Variants in MYO7B observed in about 807,000 individuals in gnomAD.
The protein encoded by MYO7B is myosin VIIB, also known as unconventional myosin-VIIb.
Under a neutral mutation model 259.7 loss-of-function variants are expected in MYO7B, and 212 were observed. That is an observed-to-expected ratio of 0.82 (90% confidence interval 0.73 to 0.91). The LOEUF is 0.91. MYO7B is among the 40% of genes least tolerant of loss of function. The pLI is 0.00. For synonymous variants in MYO7B, 1,197 were observed against 1,166.4 expected (o/e 1.03, Z -0.54); for missense variants, 2,732 against 2,813.5 (o/e 0.97, Z 0.66).
In MYO7B at chr2:127,584,092, C is replaced by T; in HGVS notation, c.1344-30C>T. On this transcript the variant is annotated intron_variant, in intron 12 of 47. Transcript: ENST00000409816. This position sits in a 1 kb window ranked among gnomAD's most constrained non-coding sequence, Gnocchi z 5.8. ...AGCGGGGACTCAGCTGGCCCCACTCCACCCCTGGGCAGTGACCTTGCCTCC... is the reference window on the plus strand; with the variant it reads ...AGCGGGGACTCAGCTGGCCCCACTCTACCCCTGGGCAGTGACCTTGCCTCC... 1 of 1,595,198 alleles carries T rather than the reference C, an allele frequency of 6.3e-7. No homozygotes were observed. The highest frequency in any genetic ancestry group is 8.5e-7 in the Non-Finnish European group (1 of 1,170,052).
At chr2:127,635,383 C>T in intron 43 of MYO7B, 157 bp downstream of exon 43, 2 of 702,906 alleles carry the variant, frequency 2.8e-6, no homozygotes, top group African/African-American at 1.8e-5. Flanking sequence ...GCTCTGGAAC[C>T]AGGAGCAGAG....
chr2:127,631,499 C>T, intron 37 of MYO7B, 101 bp from the exon 38 acceptor site: 2 of 1,524,506 alleles, frequency 1.3e-6, no homozygotes, highest in Non-Finnish European at 1.8e-6. Context: ...GGGACAGAGC[C>T]CACACATGGC....
At chr2:127,553,913 T>C (rs185176359) in intron 1 of MYO7B, among the ~76,000 whole-genome samples, 9 of 152,316 alleles carry the variant, frequency 5.9e-5, no homozygotes, top group Non-Finnish European at 8.8e-5. Context: ...ATGGCTTTTA[T>C]TGCACTGAGG....
Position 127,590,501 on chromosome 2 carries a change from C to T in MYO7B, c.1992+272C>T, listed in dbSNP as rs545189097. On this transcript the variant is annotated intron_variant, in intron 16 of 47. Coordinates refer to ENST00000409816, the MANE Select transcript of MYO7B (RefSeq NM_001393586.1). This position sits in a 1 kb window ranked among gnomAD's most constrained non-coding sequence, Gnocchi z 4.6. Reference sequence around the variant, plus strand: ...GGCCTGGCTCTTTGCTGCTGTGAGCCTCAGTTTTCCCTTCTGTTAAGTCAG... The same window carrying T: ...GGCCTGGCTCTTTGCTGCTGTGAGCTTCAGTTTTCCCTTCTGTTAAGTCAG... 6.6e-6 allele frequency among the ~76,000 whole-genome samples: 1 copy of T among 152,366 alleles called. No homozygotes were observed. Among genetic ancestry groups the T allele is most frequent in the South Asian group, 2.1e-4 (1 of 4,830 alleles).
At chr2:127,560,134 T>A (rs1474731478) in intron 2 of MYO7B, among the ~76,000 whole-genome samples, 1 of 151,878 alleles carries the variant, frequency 6.6e-6, no homozygotes, top group Non-Finnish European at 1.5e-5. Context: ...TCAAGCGATC[T>A]TCCAGCCTCA....
Position 127,627,195 on chromosome 2 carries a change from C to T in MYO7B, c.4345C>T (p.Pro1449Ser). Reference protein sequence around the residue: ...EVITLSGPRLPKTQLILAVNW... With the variant: ...EVITLSGPRLSKTQLILAVNW... ...TCTCTCCTGGCCAGGCCCCCGCCTG[C>T]CCAAGACGCAGCTGATCTTGGCTGT... The change falls in exon 33 of 48, where the codon CCC becomes TCC. Residue 1449 changes from proline (P) to serine (S), a missense_variant. Pro to Ser is a moderately conservative substitution (Grantham distance 74, BLOSUM62 -1). Coordinates refer to ENST00000409816, the MANE Select transcript of MYO7B (RefSeq NM_001393586.1). The surrounding 1 kb of genome is among the most constrained non-coding windows in gnomAD (Gnocchi z 5.6). The T allele has an allele frequency of 6.2e-7, 1 of 1,609,490 alleles. No individual in the cohort carries two copies. Among genetic ancestry groups the T allele is most frequent in the South Asian group, 1.1e-5 (1 of 90,330 alleles).
chr2:127,564,216 A>G lies in MYO7B; in HGVS notation c.82A>G (p.Ile28Val). 6.3e-7 allele frequency: 1 copy of G among 1,581,726 alleles called. No homozygotes were observed. Among genetic ancestry groups the G allele is most frequent in the South Asian group, 1.2e-5 (1 of 86,198 alleles). ...HKTGVAIGGI[I>V]KEAKPGKVLV... Reference sequence around the variant, plus strand: ...GACCGGCGTGGCCATCGGGGGCATCATCAAAGAGGCAAAGCCAGGCAAAGT... The same window carrying G: ...GACCGGCGTGGCCATCGGGGGCATCGTCAAAGAGGCAAAGCCAGGCAAAGT... The change falls in exon 3 of 48, where the codon ATC becomes GTC. Residue 28 changes from isoleucine to valine, a missense_variant. By Grantham distance (29) the Ile-to-Val change is conservative. This residue lies in a region of MYO7B where 1,906 missense variants were observed against 2,026.4 expected (regional missense o/e 0.94). Coordinates refer to ENST00000409816, the MANE Select transcript of MYO7B (RefSeq NM_001393586.1).
intron 1 of MYO7B, among the ~76,000 whole-genome samples, chr2:127,553,892 A>C (rs1022258954): frequency 6.6e-6 from 1 of 151,950 alleles, no homozygotes; most frequent in Admixed American, 6.6e-5. Context: ...TTGGCTGTGG[A>C]TTTGTCATAG....
At chr2:127,624,061 C>T (rs1558844151) in intron 29 of MYO7B, 32 bp from the exon 30 acceptor site, 5 of 1,528,846 alleles carry the variant, frequency 3.3e-6, no homozygotes, top group Non-Finnish European at 4.4e-6. Context: ...ATGCAACAGC[C>T]GCTAACCCCT....
Position 127,592,960 on chromosome 2 carries a change from G to A in MYO7B, c.2145+14G>A, listed in dbSNP as rs1179169731. 7.6e-6 allele frequency: 12 copies of A among 1,574,100 alleles called. No individual in the cohort carries two copies. The highest frequency in any genetic ancestry group is 1.0e-5 in the Non-Finnish European group (12 of 1,160,928). On this transcript the variant is annotated intron_variant, in intron 17 of 47. Transcript: ENST00000409816. ...ATGCGGATGCAGGTCAGCGCCCCTC[G>A]GGGACGGTCACCTCTGGCCATCCGC...
At chr2:127,623,982 G>T (rs1489719260) in intron 29 of MYO7B, 111 bp from the exon 30 acceptor site, 13 of 1,020,126 alleles carry the variant, frequency 1.3e-5, no homozygotes, top group Middle Eastern at 6.3e-4. Flanking sequence ...CCCACGCTGG[G>T]CTCCAAGGGC....
rs1275474186 is a variant in MYO7B at position 127,631,261 on chromosome 2, G to A, written c.4993G>A (p.Gly1665Ser). 3 of 1,611,296 alleles carry A rather than the reference G, an allele frequency of 1.9e-6. No individual in the cohort carries two copies. The East Asian group carries it at 6.7e-5, about 36-fold the overall frequency. Reference sequence around the variant, plus strand: ...CGTGCTGCCCCTGGCCCGTGCCCGTGGCCACCTGTGGGCCTATTCCTGCGA... The same window carrying A: ...CGTGCTGCCCCTGGCCCGTGCCCGTAGCCACCTGTGGGCCTATTCCTGCGA... Reference protein sequence around the residue: ...MAVLPLARARGHLWAYSCEPL... With the variant: ...MAVLPLARARSHLWAYSCEPL... Residue 1665 changes from glycine to serine, a missense_variant, in exon 37 of 48, where the codon GGC (glycine) becomes AGC (serine). By Grantham distance (56) the Gly-to-Ser change is moderately conservative. This residue lies in a region of MYO7B where 821 missense variants were observed against 769.3 expected (regional missense o/e 1.07). Transcript: ENST00000409816.
At chr2:127,589,415 G>A (rs570026350) in intron 15 of MYO7B, among the ~76,000 whole-genome samples, 2 of 150,994 alleles carry the variant, frequency 1.3e-5, no homozygotes, top group African/African-American at 4.9e-5. Context: ...TTATATAAGG[G>A]GGTTTGGAGT....
At chr2:127,589,040 T>G (rs1573659953) in intron 15 of MYO7B, among the ~76,000 whole-genome samples, 10 of 101,510 alleles carry the variant, frequency 9.9e-5, no homozygotes, top group South Asian at 3.6e-4. Flanking sequence ...GATGGATGGG[T>G]GGGTGAGTGG....
chr2:127,578,801 A>G (rs1558812314), intron 9 of MYO7B, among the ~76,000 whole-genome samples: 1 of 152,220 alleles, frequency 6.6e-6, no homozygotes, highest in Non-Finnish European at 1.5e-5. Context: ...GATACCATGA[A>G]CAAGAACCGG....
chr2:127,541,828 A>T (rs11685630), intron 1 of MYO7B, among the ~76,000 whole-genome samples: 17,695 of 152,238 alleles, frequency 0.12, 1,364 homozygotes, highest in South Asian at 0.31. Context: ...GCCTTCGCTG[A>T]CTTCCCCAGG....
In MYO7B at chr2:127,543,882, C is replaced by A. The variant is rs187366097; in HGVS notation, c.-24+8051C>A. 7.8e-3 allele frequency among the ~76,000 whole-genome samples: 1,192 copies of A among 152,006 alleles called. 19 individuals carry two copies. The highest frequency in any genetic ancestry group is 0.027 in the African/African-American group (1,121 of 41,460). ...GCCTCAGCCTCCCAAATAGCTGGGACTACAGGCACCTGCCACCACACCCGG... is the reference window on the plus strand; with the variant it reads ...GCCTCAGCCTCCCAAATAGCTGGGAATACAGGCACCTGCCACCACACCCGG... On this transcript the variant is annotated intron_variant, in intron 1 of 47. Transcript: ENST00000409816.
At chr2:127,608,951 C>T in intron 22 of MYO7B, 73 bp downstream of exon 22, 1 of 1,523,196 alleles carries the variant, frequency 6.6e-7, no homozygotes, top group East Asian at 2.4e-5. Context: ...TGAACTCAGT[C>T]CACCTCTCGG....
At chr2:127,575,134 T>C (rs573444189) in intron 7 of MYO7B, among the ~76,000 whole-genome samples, 2 of 152,302 alleles carry the variant, frequency 1.3e-5, no homozygotes, top group Admixed American at 6.5e-5. Flanking sequence ...AAGGTCACAT[T>C]TAGTGACCCT....
Sources: allele counts gnomAD v4.1 joint callset (sites outside exome capture counted in the v4.1 genomes callset), GRCh38; gene constraint gnomAD v4.1.1; regional missense constraint gnomAD v4.1.1; non-coding constraint Gnocchi (gnomAD v3.1); transcripts MANE v1.5; gene names NCBI Gene and HGNC (gene_info 2026-07-23, HGNC 2026-07-21).